The following BRD8 variants were observed in gnomAD, a reference collection of about 807,000 sequenced individuals.
BRD8 encodes the protein bromodomain-containing protein 8.
Under a neutral mutation model 143.1 loss-of-function variants are expected in BRD8, and 67 were observed. That is an observed-to-expected ratio of 0.47 (90% CI 0.38 to 0.57). The LOEUF is 0.57. Among genes scored for constraint, BRD8 ranks in the 20% least tolerant of loss-of-function variants. The pLI, the probability that BRD8 is intolerant of heterozygous loss-of-function variation, is 0.00. For synonymous variants in BRD8, 505 were observed against 517.1 expected (o/e 0.98, Z 0.32); for missense variants, 1,103 against 1,503.0 (o/e 0.73, Z 4.40).
chr5:138,175,038 C>A (rs1307609170), intron 2 of BRD8, among the ~76,000 whole-genome samples: 2 of 152,078 alleles, frequency 1.3e-5, no homozygotes, highest in Non-Finnish European at 2.9e-5. Context: ...TACAGGCGCA[C>A]GCCGCCACAC....
At chr5:138,145,076 T>C (rs1752094476) in intron 25 of BRD8, 101 bp downstream of exon 25, 1 of 1,223,200 alleles carries the variant, frequency 8.2e-7, no homozygotes, top group Non-Finnish European at 1.2e-6. Flanking sequence ...GAAACATATC[T>C]TGAGTTTGTA....
chr5:138,164,950 C>T lies in BRD8; in HGVS notation c.1495G>A (p.Val499Met). ...TCTGCACTGGGCTCCCTGATGTCCA[C>T]CAGTTCATGTATTCCCTTGTTTTCC... ...ETENKGIHEL[V>M]DIREPSAEIK... Residue 499 changes from valine (V) to methionine (M), a missense_variant, in exon 12 of 27, where the codon GTG becomes ATG. Val to Met is a conservative substitution (Grantham distance 21). Coordinates refer to ENST00000254900, the MANE Select transcript of BRD8 (RefSeq NM_139199.2). 1.9e-6 allele frequency: 3 copies of T among 1,614,184 alleles called. No homozygotes were observed. The highest frequency in any genetic ancestry group is 1.6e-4 in the Middle Eastern group (1 of 6,062).
intron 25 of BRD8, among the ~76,000 whole-genome samples, chr5:138,144,917 A>T (rs957973884): frequency 8.0e-6 from 1 of 125,666 alleles, no homozygotes; most frequent in East Asian, 2.4e-4. Flanking sequence ...AAAAAAAAAA[A>T]AATATATATA....
At chr5:138,168,164 T>C in intron 8 of BRD8, 86 bp from the exon 9 acceptor site, 1 of 989,404 alleles carries the variant, frequency 1.0e-6, no homozygotes, top group Non-Finnish European at 1.5e-6. Context: ...TTGATCAAAC[T>C]TCATGAAAAC....
chr5:138,174,801 A>G (rs997917773), intron 2 of BRD8, among the ~76,000 whole-genome samples: 9 of 151,978 alleles, frequency 5.9e-5, no homozygotes, highest in African/African-American at 1.9e-4. Context: ...GAAAGAGAAT[A>G]TCCTGAGCCT....
chr5:138,168,327 G>A (rs1406539861), intron 8 of BRD8: 1 of 714,076 alleles, frequency 1.4e-6, no homozygotes, highest in East Asian at 2.7e-5. Context: ...TCAACTTACT[G>A]TATTTTTAAA....
rs1189553382 is a variant in BRD8 at position 138,150,762 on chromosome 5, G to C, written c.3103C>G (p.Leu1035Val). ...TTTCTTACCTCTTCACTCTCTGTGA[G>C]TAGTCCCTGAACTGTACAAATAACT... is the stretch of plus-strand genomic sequence containing the variant. ...PSVICTVQGL[L>V]TESEEGEAQQ... The change falls in exon 22 of 27, where the codon CTC (leucine) becomes GTC (valine). Residue 1035 changes from leucine (L) to valine (V), a missense_variant. Physicochemically the swap from Leu to Val is conservative, Grantham distance 32. This residue lies in a region of BRD8 where 369 missense variants were observed against 445.5 expected (regional missense o/e 0.83). Transcript: ENST00000254900. 9.9e-6 allele frequency: 16 copies of C among 1,609,578 alleles called. No individual in the cohort carries two copies. Among genetic ancestry groups the C allele is most frequent in the Non-Finnish European group, 1.1e-5 (13 of 1,178,740 alleles).
chr5:138,160,499 C>T (rs1014621935), intron 18 of BRD8, among the ~76,000 whole-genome samples: 1 of 152,114 alleles, frequency 6.6e-6, no homozygotes, highest in African/African-American at 2.4e-5. Flanking sequence ...TTGCAATATT[C>T]TTCCAAGTTC....
At position 138,145,162 on chromosome 5, in the gene BRD8, C is replaced by T; in HGVS notation, c.3437+15G>A. ...ATAAAAGCAACCAACCTTTCTTGAC[C>T]CCTTTTTCACTGACCTTTTCACCAC... On this transcript the variant is annotated intron_variant, in intron 25 of 26. Transcript: ENST00000254900. 6.2e-7 allele frequency: 1 copy of T among 1,604,990 alleles called. No homozygotes were observed. The highest frequency in any genetic ancestry group is 8.5e-7 in the Non-Finnish European group (1 of 1,177,184).
intron 2 of BRD8, among the ~76,000 whole-genome samples, chr5:138,174,313 G>A (rs1754135654): frequency 6.6e-6 from 1 of 152,046 alleles, no homozygotes; most frequent in African/African-American, 2.4e-5. Flanking sequence ...TGTGTGCACT[G>A]GCCGGGTGTC....
intron 1 of BRD8, 88 bp downstream of exon 1, chr5:138,178,508 C>G (rs891219015): frequency 8.0e-7 from 1 of 1,245,218 alleles, no homozygotes; most frequent in Non-Finnish European, 1.2e-6. Context: ...CAACCCACTT[C>G]TCCCACTCCC....
intron 25 of BRD8, among the ~76,000 whole-genome samples, chr5:138,142,759 C>CAAAAAAAAAAAAAAAA: frequency 1.2e-5 from 1 of 83,856 alleles, no homozygotes; most frequent in Non-Finnish European, 2.3e-5. Context: ...AAGACTGTCT[C>CAAAAAAAAAAAAAAAA]AAAAAAAAAA....
chr5:138,149,053 T>A (rs1752276263), intron 23 of BRD8, among the ~76,000 whole-genome samples: 1 of 151,242 alleles, frequency 6.6e-6, no homozygotes, highest in South Asian at 2.1e-4. Flanking sequence ...GTGATGGAGC[T>A]AGACCCTGTC....
chr5:138,177,884 CAT>C (rs1754492486), intron 1 of BRD8, among the ~76,000 whole-genome samples: 2 of 152,192 alleles, frequency 1.3e-5, no homozygotes, highest in African/African-American at 4.8e-5. Flanking sequence ...GAATTATTAA[CAT>C]TTTATTTCTT....
intron 20 of BRD8, among the ~76,000 whole-genome samples, chr5:138,156,330 G>C (rs1752598286): frequency 6.7e-6 from 1 of 149,958 alleles, no homozygotes; most frequent in East Asian, 1.9e-4. Context: ...TGTAGAGACA[G>C]AGTTTCACCA....
Position 138,172,123 on chromosome 5 carries a change from C to G in BRD8, c.128G>C (p.Ser43Thr). The G allele has an allele frequency of 6.2e-7, 1 of 1,613,078 alleles. No homozygotes were observed. The highest frequency in any genetic ancestry group is 8.5e-7 in the Non-Finnish European group (1 of 1,179,590). ...RSGDQNWVSV[S>T]RAIKPFAEPG... ...TTCTGCAAAGGGCTTGATTGCTCTGCTAACTGATACCCTACAAAATGAGGA... is the reference window on the plus strand; with the variant it reads ...TTCTGCAAAGGGCTTGATTGCTCTGGTAACTGATACCCTACAAAATGAGGA... Residue 43 changes from serine (S) to threonine (T), a missense_variant, in exon 3 of 27, where the codon AGC becomes ACC. Physicochemically the swap from Ser to Thr is moderately conservative, Grantham distance 58. Coordinates refer to ENST00000254900, the MANE Select transcript of BRD8 (RefSeq NM_139199.2).
In BRD8 at chr5:138,166,059, A is replaced by G. The variant is rs1383806114; in HGVS notation, c.1047T>C (p.His349=). 1 of 1,614,084 alleles carries G rather than the reference A, an allele frequency of 6.2e-7. No homozygotes were observed. The highest frequency in any genetic ancestry group is 8.5e-7 in the Non-Finnish European group (1 of 1,179,974). The change falls in exon 11 of 27, where the codon CAT becomes CAC. Residue 349 remains histidine (H), a synonymous_variant. Coordinates refer to ENST00000254900, the MANE Select transcript of BRD8 (RefSeq NM_139199.2). ...TGCTGTCCATGGAAACAGTCACAGT[A>G]TGTGGATCCCCCACAGCCTCCATGG... ...CVPMEAVGDP[H]TVTVSMDSSE...
At chr5:138,165,767 G>A in intron 11 of BRD8, 61 bp downstream of exon 11, 1 of 1,501,708 alleles carries the variant, frequency 6.7e-7, no homozygotes, top group South Asian at 1.3e-5. Flanking sequence ...CCAAAGTGAG[G>A]CTGAAAAGAG....
chr5:138,168,653 G>A, intron 8 of BRD8: 2 of 1,602,234 alleles, frequency 1.2e-6, no homozygotes, highest in Non-Finnish European at 1.7e-6. Context: ...CAGGAAACGA[G>A]GTGACTGGGG....
Sources: allele counts gnomAD v4.1 joint callset (sites outside exome capture counted in the v4.1 genomes callset), GRCh38; gene constraint gnomAD v4.1.1; regional missense constraint gnomAD v4.1.1; transcripts MANE v1.5; gene names NCBI Gene and HGNC (gene_info 2026-07-23, HGNC 2026-07-21).